The following MILR1 variants were observed in gnomAD, a reference collection of about 807,000 sequenced individuals.
MILR1 encodes the protein allergin-1.
MILR1 carries 31 observed loss-of-function variants against 18.5 expected under a neutral mutation model. That is an observed-to-expected ratio of 1.68 (90% CI 1.26 to 2.26). MILR1 has a LOEUF of 2.26. Ranked by LOEUF, MILR1 falls within the 30% of genes most tolerant of loss-of-function variation. The probability of loss-of-function intolerance (pLI) is 0.00; values close to 1 mark genes in which losing one functional copy is unlikely to be tolerated. For synonymous variants in MILR1, 85 were observed against 56.2 expected (o/e 1.51, Z -2.30); for missense variants, 257 against 157.4 (o/e 1.63, Z -3.38).
At chr17:64,492,472 C>T in the MILR1 span, among the ~76,000 whole-genome samples, 2 of 152,088 alleles carry the variant, frequency 1.3e-5, no homozygotes, top group Non-Finnish European at 1.5e-5. Context: ...CACATCTGAG[C>T]CCAACAAATG....
At chr17:64,489,610 A>T in the MILR1 span, among the ~76,000 whole-genome samples, 1 of 151,924 alleles carries the variant, frequency 6.6e-6, no homozygotes, top group Non-Finnish European at 1.5e-5. Flanking sequence ...ATATTAAACC[A>T]TCAGTCGGGC....
the MILR1 span, among the ~76,000 whole-genome samples, chr17:64,476,605 T>C: frequency 1.3e-5 from 2 of 152,122 alleles, no homozygotes; most frequent in African/African-American, 2.4e-5. Flanking sequence ...CAAAGGTTGA[T>C]TGTTGTTGGT....
the MILR1 span, chr17:64,496,314 A>G: frequency 1.3e-6 from 1 of 772,730 alleles, no homozygotes; most frequent in South Asian, 1.7e-5. Flanking sequence ...CTTGCATGGG[A>G]ATACAGGGCC....
chr17:64,483,088 A>G, the MILR1 span: 2 of 686,800 alleles, frequency 2.9e-6, no homozygotes, highest in African/African-American at 1.8e-5. Context: ...ATATAACACA[A>G]GTATTAACAA....
rs1176626341 is a variant in MILR1 at position 64,459,976 on chromosome 17, T to TTTTTA, written c.653-827_653-823dup. ...GGTCATGACTTTTTAAACTTTATTATTTTTATTTTATTTTATTTTATTTAT... is the reference window on the plus strand; with the variant it reads ...GGTCATGACTTTTTAAACTTTATTATTTTTATTTTATTTTATTTTATTTTATTTAT... On this transcript the variant is annotated intron_variant, in intron 4 of 9. Transcript: ENST00000619286. Among the ~76,000 whole-genome samples the TTTTTA allele has an allele frequency of 1.8e-4, 13 of 71,896 alleles. 1 individual carries two copies. Among genetic ancestry groups the TTTTTA allele is most frequent in the East Asian group, 5.3e-4 (1 of 1,870 alleles). 47.2% of individuals were successfully genotyped at this position (71,896 alleles called of 152,430 possible). A position where few individuals can be genotyped will look rare whatever the true frequency, so the allele number is the denominator to read the frequency against.
At chr17:64,472,084 C>T (rs191347742), downstream of MILR1, among the ~76,000 whole-genome samples, 456 of 152,180 alleles carry the variant, frequency 3.0e-3, 1 homozygote, top group African/African-American at 0.011. Context: ...AGGTATGACT[C>T]ACAACCCAGA....
In MILR1 at chr17:64,466,469, C is replaced by T. The variant is rs2037563388; in HGVS notation, c.881C>T (p.Ser294Phe). Reference sequence around the variant, plus strand: ...GAGGAATCTGTGCCAGAAGTGGGATCCAGGCCGTGTGTTTCCACAGCCCAA... The same window carrying T: ...GAGGAATCTGTGCCAGAAGTGGGATTCAGGCCGTGTGTTTCCACAGCCCAA... ...AKEESVPEVG[S>F]RPCVSTAQDE... The change falls in exon 7 of 10, where the codon TCC becomes TTC. Residue 294 changes from serine to phenylalanine, a missense_variant. Coordinates refer to ENST00000619286, the MANE Select transcript of MILR1 (RefSeq NM_001085423.2). 1.9e-6 allele frequency: 3 copies of T among 1,613,812 alleles called. No individual in the cohort carries two copies.
At chr17:64,495,171 C>G in the MILR1 span, among the ~76,000 whole-genome samples, 1 of 52,204 alleles carries the variant, frequency 1.9e-5, no homozygotes, top group Non-Finnish European at 3.1e-5. Flanking sequence ...GAGCGAGACT[C>G]TGTCTCAAAA....
At chr17:64,494,809 C>T in the MILR1 span, among the ~76,000 whole-genome samples, 5 of 152,182 alleles carry the variant, frequency 3.3e-5, no homozygotes, top group South Asian at 8.3e-4. Flanking sequence ...GTGTTTCAAA[C>T]TCACCTTGTA....
At chr17:64,482,997 T>A in the MILR1 span, 1 of 1,575,878 alleles carries the variant, frequency 6.3e-7, no homozygotes, top group Non-Finnish European at 8.7e-7. Context: ...GAAGTTTAAG[T>A]ACCTAAGGCA....
the MILR1 span, chr17:64,481,258 T>C: frequency 9.1e-6 from 9 of 984,902 alleles, no homozygotes; most frequent in Admixed American, 6.2e-5. Context: ...TGGGAGAAAA[T>C]GTGGGACATA....
At chr17:64,493,439 A>G in the MILR1 span, among the ~76,000 whole-genome samples, 1 of 152,070 alleles carries the variant, frequency 6.6e-6, no homozygotes, top group Non-Finnish European at 1.5e-5. Context: ...AAAAAGACAG[A>G]TCACCACTTA....
intron 5 of MILR1, among the ~76,000 whole-genome samples, chr17:64,463,396 G>C (rs2037474940): frequency 6.6e-6 from 1 of 152,148 alleles, no homozygotes; most frequent in Non-Finnish European, 1.5e-5. Flanking sequence ...GAGTGCAGAA[G>C]GATATGAAGA....
chr17:64,496,588 C>CGGGA, the MILR1 span: 1 of 1,613,564 alleles, frequency 6.2e-7, no homozygotes, highest in African/African-American at 1.3e-5. Context: ...GGGCGTCCAC[C>CGGGA]GGGAATACCT....
the MILR1 span, among the ~76,000 whole-genome samples, chr17:64,495,677 T>C: frequency 2.0e-5 from 3 of 152,238 alleles, no homozygotes; most frequent in Admixed American, 6.5e-5. Flanking sequence ...ACAATGAATA[T>C]CTTGGTTCCT....
chr17:64,455,462 AT>A (rs1278094099), intron 3 of MILR1, among the ~76,000 whole-genome samples: 107 of 150,252 alleles, frequency 7.1e-4, no homozygotes, highest in Admixed American at 4.4e-3. Context: ...TCAAAAAAAA[AT>A]TTTTTTTTTG....
chr17:64,491,464 T>C, the MILR1 span: 1 of 1,035,182 alleles, frequency 9.7e-7, no homozygotes, highest in East Asian at 2.5e-5. Context: ...GAGCTGTGAT[T>C]GTGCAACGGC....
chr17:64,459,482 A>G (rs2037375923), intron 4 of MILR1, among the ~76,000 whole-genome samples: 1 of 152,136 alleles, frequency 6.6e-6, no homozygotes, highest in Non-Finnish European at 1.5e-5. Context: ...CTAGGTTAGC[A>G]AAGGCACAAG....
rs529760538 is a variant in MILR1 at position 64,464,714 on chromosome 17, G to A, written c.764-738G>A. 2.0e-5 allele frequency among the ~76,000 whole-genome samples: 3 copies of A among 152,332 alleles called. No homozygotes were observed. The East Asian group carries it at 5.8e-4, about 29-fold the overall frequency. ...CCAGCACTTTGATCACCTGAAGTCT[G>A]GAGTTTGAGACCAGCCTGGCTAACA... On this transcript the variant is annotated intron_variant, in intron 5 of 9. Coordinates refer to ENST00000619286, the MANE Select transcript of MILR1 (RefSeq NM_001085423.2).
Sources: gnomAD v4.1 joint callset for allele counts (sites outside exome capture counted in the v4.1 genomes callset) on GRCh38, gnomAD v4.1.1 for gene constraint, MANE v1.5 for transcripts, NCBI Gene and HGNC (gene_info 2026-07-23, HGNC 2026-07-21) for gene names.